The following NEMP2 variants were observed in gnomAD, a reference collection of about 807,000 sequenced individuals.
The protein encoded by NEMP2 is UPF0571 transmembrane protein.
A neutral mutation model predicts 54.2 loss-of-function variants in NEMP2; 53 were observed. The observed-to-expected ratio is 0.98, with a 90% CI of 0.78 to 1.23. The LOEUF (loss-of-function observed/expected upper bound fraction) is 1.23, where lower values mean the gene tolerates loss of function less well. Ranked by LOEUF, NEMP2 falls within the 50% of genes most tolerant of loss-of-function variation. The pLI is 0.00. For synonymous variants in NEMP2, 197 were observed against 190.3 expected (o/e 1.04, Z -0.29); for missense variants, 455 against 511.3 (o/e 0.89, Z 1.06).
the NEMP2 span, among the ~76,000 whole-genome samples, chr2:190,648,656 G>A: frequency 1.3e-5 from 2 of 151,264 alleles, no homozygotes; most frequent in Non-Finnish European, 2.9e-5. Context: ...TCACTCCGCA[G>A]CTGGAGAGCA....
chr2:190,580,437 G>C, the NEMP2 span, among the ~76,000 whole-genome samples: 2 of 152,162 alleles, frequency 1.3e-5, no homozygotes, highest in Admixed American at 1.3e-4. This position sits in a 1 kb window ranked among gnomAD's most constrained non-coding sequence, Gnocchi z 5.3. Flanking sequence ...GGAAATTCCA[G>C]GTTCTGCTGT....
the NEMP2 span, among the ~76,000 whole-genome samples, chr2:190,613,478 T>G: frequency 1.3e-5 from 2 of 152,188 alleles, no homozygotes; most frequent in African/African-American, 2.4e-5. Context: ...TACGCCAAAT[T>G]TTGACACCTT....
At chr2:190,497,363 TA>T in the NEMP2 span, 1 of 1,505,676 alleles carries the variant, frequency 6.6e-7, no homozygotes, top group African/African-American at 1.4e-5. This position sits in a 1 kb window ranked among gnomAD's most constrained non-coding sequence, Gnocchi z 5.2. Flanking sequence ...ATTCTTGGTT[TA>T]TTTATTTATT....
the NEMP2 span, among the ~76,000 whole-genome samples, chr2:190,647,453 G>A: frequency 6.6e-6 from 1 of 152,066 alleles, no homozygotes; most frequent in African/African-American, 2.4e-5. Context: ...CCCCATCAGC[G>A]AAGTAGGCAC....
the NEMP2 span, among the ~76,000 whole-genome samples, chr2:190,637,260 G>A: frequency 1.3e-5 from 2 of 152,098 alleles, no homozygotes; most frequent in Non-Finnish European, 1.5e-5. This position sits in a 1 kb window ranked among gnomAD's most constrained non-coding sequence, Gnocchi z 4.5. Context: ...CAAGAAAGAG[G>A]GCCTTGCTTG....
chr2:190,494,570 C>T, the NEMP2 span, among the ~76,000 whole-genome samples: 3 of 152,114 alleles, frequency 2.0e-5, no homozygotes. The surrounding 1 kb of genome is among the most constrained non-coding windows in gnomAD (Gnocchi z 5.7). Flanking sequence ...AGACCAATAT[C>T]CCTGATGAAC....
the NEMP2 span, among the ~76,000 whole-genome samples, chr2:190,471,131 G>C: frequency 6.6e-6 from 1 of 152,168 alleles, no homozygotes; most frequent in Admixed American, 6.5e-5. This position sits in a 1 kb window ranked among gnomAD's most constrained non-coding sequence, Gnocchi z 4.7. Context: ...TGGCCGAATA[G>C]GAACAGCTCC....
chr2:190,610,189 C>T, the NEMP2 span: 1 of 152,170 alleles, frequency 6.6e-6, no homozygotes, highest in Non-Finnish European at 1.5e-5. The surrounding 1 kb of genome is among the most constrained non-coding windows in gnomAD (Gnocchi z 5.4). Context: ...TTTCTCTCTT[C>T]ATGGTAGGAC....
At chr2:190,469,524 T>C in the NEMP2 span, 1 of 220,070 alleles carries the variant, frequency 4.5e-6, no homozygotes, top group Non-Finnish European at 8.8e-6. The surrounding 1 kb of genome is among the most constrained non-coding windows in gnomAD (Gnocchi z 5.3). Flanking sequence ...TTGAAAAGGC[T>C]GAGGGCAGAT....
At chr2:190,592,427 T>G in the NEMP2 span, among the ~76,000 whole-genome samples, 3 of 152,136 alleles carry the variant, frequency 2.0e-5, no homozygotes. The surrounding 1 kb of genome is among the most constrained non-coding windows in gnomAD (Gnocchi z 4.4). Flanking sequence ...TGATTGCTCT[T>G]TAAGGGGATG....
the NEMP2 span, among the ~76,000 whole-genome samples, chr2:190,448,719 C>T: frequency 1.3e-5 from 2 of 152,074 alleles, no homozygotes; most frequent in South Asian, 4.1e-4. Flanking sequence ...CTGGACAGGA[C>T]AAAAAGAGAA....
At chr2:190,453,282 G>C in the NEMP2 span, among the ~76,000 whole-genome samples, 1 of 152,062 alleles carries the variant, frequency 6.6e-6, no homozygotes, top group Non-Finnish European at 1.5e-5. Flanking sequence ...CAGGAAGAGA[G>C]GTGTGGGCTC....
At chr2:190,637,147 T>C in the NEMP2 span, among the ~76,000 whole-genome samples, 5 of 152,226 alleles carry the variant, frequency 3.3e-5, no homozygotes, top group African/African-American at 1.2e-4. The surrounding 1 kb of genome is among the most constrained non-coding windows in gnomAD (Gnocchi z 4.5). Flanking sequence ...TTCTTAAAAA[T>C]ACTTTTTCAC....
Position 190,518,815 on chromosome 2 carries a change from TAAA to T in NEMP2, c.446-10_446-8del, listed in dbSNP as rs1163921692. The T allele has an allele frequency of 6.5e-7, 1 of 1,538,076 alleles. No individual in the cohort carries two copies. The highest frequency in any genetic ancestry group is 8.7e-7 in the Non-Finnish European group (1 of 1,143,696). On this transcript the variant is annotated splice_region_variant and splice_polypyrimidine_tract_variant and intron_variant, in intron 3 of 8. Transcript: ENST00000409150. The stretch of plus-strand genomic sequence containing the variant: ...AAGAGTTTGAAATCCATGACTGGAG[TAAA>T]AAAGACACACAAACACATAACAAAG...
In NEMP2 at chr2:190,509,065, T is replaced by C. The variant is rs1036407578; in HGVS notation, c.*124A>G. 1 of 1,413,916 alleles carries C rather than the reference T, an allele frequency of 7.1e-7. No homozygotes were observed. Among genetic ancestry groups the C allele is most frequent in the African/African-American group, 1.4e-5 (1 of 69,020 alleles). 87.6% of individuals were successfully genotyped at this position (1,413,916 alleles called of 1,614,324 possible). ...GGTTGGTTTCCCTTTCCAGACTGAC[T>C]TGTTTTTCTCCACAGCAAATGTTTT... On this transcript the variant is annotated 3_prime_UTR_variant, in exon 9 of 9. Coordinates refer to ENST00000409150, the MANE Select transcript of NEMP2 (RefSeq NM_001142645.2). The surrounding 1 kb of genome is among the most constrained non-coding windows in gnomAD (Gnocchi z 6.1).
the NEMP2 span, among the ~76,000 whole-genome samples, chr2:190,456,833 TC>T: frequency 1.3e-5 from 2 of 152,198 alleles, no homozygotes; most frequent in African/African-American, 2.4e-5. This position sits in a 1 kb window ranked among gnomAD's most constrained non-coding sequence, Gnocchi z 5.4. Flanking sequence ...TCAGCGCATT[TC>T]TTCTCATAAC....
At chr2:190,599,934 C>T in the NEMP2 span, among the ~76,000 whole-genome samples, 1 of 152,140 alleles carries the variant, frequency 6.6e-6, no homozygotes, top group East Asian at 1.9e-4. Flanking sequence ...ATCCAATGAC[C>T]TCTTCCTGCA....
At chr2:190,454,271 T>C in the NEMP2 span, 1 of 152,170 alleles carries the variant, frequency 6.6e-6, no homozygotes, top group African/African-American at 2.4e-5. The surrounding 1 kb of genome is among the most constrained non-coding windows in gnomAD (Gnocchi z 4.6). Flanking sequence ...ATGGAGCCCC[T>C]GGGGAGGTTT....
At chr2:190,535,985 CAGGT>C (rs1289903904), upstream of NEMP2, 2 of 152,262 alleles carry the variant, frequency 1.3e-5, no homozygotes, top group South Asian at 2.1e-4. Context: ...CTAAAATAAA[CAGGT>C]GGGTTGTTGA....
Sources: gnomAD v4.1 joint callset for allele counts (sites outside exome capture counted in the v4.1 genomes callset) on GRCh38, gnomAD v4.1.1 for gene constraint, Gnocchi (gnomAD v3.1) non-coding constraint, MANE v1.5 for transcripts, NCBI Gene and HGNC (gene_info 2026-07-23, HGNC 2026-07-21) for gene names.